The following SOX5 variants were observed in gnomAD, a reference collection of about 807,000 sequenced individuals.
The protein encoded by SOX5 is transcription factor SOX-5.
In SOX5, 9 loss-of-function variants were observed where a neutral mutation model predicts 92.0. That is an observed-to-expected ratio of 0.10 (90% CI 0.06 to 0.17). The LOEUF is 0.17. SOX5 is among the 10% of genes least tolerant of loss of function. The pLI is 1.00. For synonymous variants in SOX5, 344 were observed against 336.3 expected, an observed-to-expected ratio of 1.02 and a Z score of -0.25; for missense variants, 642 against 944.5, an observed-to-expected ratio of 0.68 and a Z score of 4.20.
intron 4 of SOX5, among the ~76,000 whole-genome samples, chr12:24,121,828 G>C (rs953156881): frequency 2.1e-5 from 3 of 140,528 alleles, no homozygotes; most frequent in African/African-American, 5.3e-5. Context: ...AGAGGTTGCA[G>C]TGAGCCGAGA....
chr12:24,020,241 C>G (rs568965913), intron 4 of SOX5, among the ~76,000 whole-genome samples: 9 of 152,228 alleles, frequency 5.9e-5, no homozygotes, highest in African/African-American at 1.9e-4. Flanking sequence ...CCCTGATGCC[C>G]CATGATGATG....
At chr12:24,316,678 T>C (rs1326508173) in intron 2 of SOX5, among the ~76,000 whole-genome samples, 3 of 152,244 alleles carry the variant, frequency 2.0e-5, no homozygotes, top group South Asian at 2.1e-4. Context: ...GTGCCAACTA[T>C]ATTTAAATTC....
intron 3 of SOX5, among the ~76,000 whole-genome samples, chr12:23,820,682 T>C (rs2096092333): frequency 6.6e-6 from 1 of 152,214 alleles, no homozygotes; most frequent in Non-Finnish European, 1.5e-5. Flanking sequence ...AAACAGGGAA[T>C]CCTTTCCCAT....
At chr12:24,510,821 C>T (rs1308568731) in intron 1 of SOX5, among the ~76,000 whole-genome samples, 1 of 152,164 alleles carries the variant, frequency 6.6e-6, no homozygotes. Flanking sequence ...TTCTTACACA[C>T]ATGAATCTAG....
upstream of SOX5, among the ~76,000 whole-genome samples, chr12:23,955,303 A>T (rs11047170): frequency 6.6e-6 from 1 of 151,996 alleles, no homozygotes; most frequent in Non-Finnish European, 1.5e-5. Context: ...AACATAAAAG[A>T]TAGTTCATTC....
At chr12:24,166,587 G>C (rs772063789) in intron 4 of SOX5, among the ~76,000 whole-genome samples, 3 of 152,086 alleles carry the variant, frequency 2.0e-5, no homozygotes, top group Non-Finnish European at 4.4e-5. Flanking sequence ...CATTCAGGTC[G>C]CCATTATCTA....
chr12:24,230,854 G>A (rs1963243817), intron 3 of SOX5, among the ~76,000 whole-genome samples: 1 of 152,134 alleles, frequency 6.6e-6, no homozygotes, highest in Admixed American at 6.5e-5. Flanking sequence ...TCATGTCAAA[G>A]CAAAAGCACA....
intron 2 of SOX5, among the ~76,000 whole-genome samples, chr12:23,876,052 C>A (rs112498415): frequency 3.3e-5 from 5 of 152,250 alleles, no homozygotes; most frequent in African/African-American, 9.6e-5. Context: ...AGTTTGTTGA[C>A]CCCTAAGATA....
intron 12 of SOX5, among the ~76,000 whole-genome samples, chr12:23,544,681 T>C (rs995678532): frequency 7.9e-5 from 12 of 152,198 alleles, no homozygotes; most frequent in Non-Finnish European, 5.9e-5. Context: ...ACAAGCATGA[T>C]TGAATTTAGG....
chr12:23,770,291 C>T (rs1448323343), intron 3 of SOX5, among the ~76,000 whole-genome samples: 1 of 151,886 alleles, frequency 6.6e-6, no homozygotes, highest in Non-Finnish European at 1.5e-5. Context: ...ATTACCCCAC[C>T]CACCCAACGC....
At chr12:24,183,481 T>C (rs10842290) in intron 4 of SOX5, among the ~76,000 whole-genome samples, 61,325 of 151,982 alleles carry the variant, frequency 0.4, 12,927 homozygotes, top group Non-Finnish European at 0.47. Context: ...TAAGCTGTCC[T>C]GGCATATAAT....
chr12:23,594,888 C>A (rs773501548), intron 9 of SOX5, among the ~76,000 whole-genome samples: 1 of 152,088 alleles, frequency 6.6e-6, no homozygotes, highest in Admixed American at 6.5e-5. Context: ...TTCCTTAGAC[C>A]TTTACAGGTG....
chr12:24,124,880 C>T (rs11047275), intron 4 of SOX5, among the ~76,000 whole-genome samples: 9,183 of 152,244 alleles, frequency 0.06, 380 homozygotes, highest in Non-Finnish European at 0.091. Flanking sequence ...TATTCAGATA[C>T]ATTCGTGTGT....
chr12:23,739,198 C>G (rs1163698654), intron 5 of SOX5, among the ~76,000 whole-genome samples: 1 of 152,110 alleles, frequency 6.6e-6, no homozygotes, highest in Admixed American at 6.5e-5. Context: ...ATGGACTATG[C>G]CCAGAACATG....
chr12:24,390,222 CATT>C (rs2136473504), intron 1 of SOX5, among the ~76,000 whole-genome samples: 1 of 152,266 alleles, frequency 6.6e-6, no homozygotes, highest in East Asian at 1.9e-4. Context: ...ACACACGTAA[CATT>C]ATGTGAATTG....
intron 1 of SOX5, among the ~76,000 whole-genome samples, chr12:24,557,694 T>C (rs1458691341): frequency 6.6e-6 from 1 of 152,224 alleles, no homozygotes; most frequent in Admixed American, 6.5e-5. Flanking sequence ...ACATAGGATA[T>C]CATAAAAACA....
At chr12:23,889,141 A>T (rs1568660610) in intron 2 of SOX5, among the ~76,000 whole-genome samples, 1 of 152,174 alleles carries the variant, frequency 6.6e-6, no homozygotes, top group Non-Finnish European at 1.5e-5. Flanking sequence ...AGTATAGGAG[A>T]ATGCTCTCCC....
At chr12:23,630,350 T>C (rs552996638) in intron 8 of SOX5, among the ~76,000 whole-genome samples, 8 of 152,070 alleles carry the variant, frequency 5.3e-5, no homozygotes, top group African/African-American at 1.9e-4. Flanking sequence ...CAGATTGTCT[T>C]CTGGATAAGT....
At chr12:24,097,428 G>A (rs976863895) in intron 4 of SOX5, among the ~76,000 whole-genome samples, 6 of 151,258 alleles carry the variant, frequency 4.0e-5, no homozygotes, top group Non-Finnish European at 5.9e-5. Flanking sequence ...TCATATCTAC[G>A]AAACAACTGC....
Sources: gnomAD v4.1 joint callset for allele counts (sites outside exome capture counted in the v4.1 genomes callset) on GRCh38, gnomAD v4.1.1 for gene constraint, MANE v1.5 for transcripts, NCBI Gene and HGNC (gene_info 2026-07-23, HGNC 2026-07-21) for gene names.